Variants in CACNB2 observed in about 807,000 individuals in gnomAD.
The protein encoded by CACNB2 is calcium voltage-gated channel auxiliary subunit beta 2, also known as voltage-dependent L-type calcium channel subunit beta-2.
In CACNB2, 42 loss-of-function variants were observed where a neutral mutation model predicts 73.3. The ratio of observed to expected loss-of-function variants is 0.57; its 90% CI spans 0.45 to 0.74. The LOEUF (loss-of-function observed/expected upper bound fraction) is 0.74. Among genes scored for constraint, CACNB2 ranks in the 30% least tolerant of loss-of-function variants. CACNB2 has a pLI of 0.00. For synonymous variants in CACNB2, 348 were observed against 310.3 expected, an observed-to-expected ratio of 1.12 and a Z score of -1.28; for missense variants, 940 against 853.0, an observed-to-expected ratio of 1.10 and a Z score of -1.27.
intron 2 of CACNB2, among the ~76,000 whole-genome samples, chr10:18,184,848 A>G (rs1010280626): frequency 3.9e-5 from 6 of 152,028 alleles, no homozygotes; most frequent in African/African-American, 7.2e-5. Flanking sequence ...CCCAGCATGC[A>G]TTAGCTGTTT....
chr10:18,255,176 G>C (rs533613490), intron 2 of CACNB2, among the ~76,000 whole-genome samples: 2 of 152,252 alleles, frequency 1.3e-5, no homozygotes, highest in East Asian at 3.9e-4. Flanking sequence ...AAAGAGAAAA[G>C]ATCCCCAGCG....
At chr10:18,453,661 G>A (rs61839262) in intron 3 of CACNB2, among the ~76,000 whole-genome samples, 3,993 of 152,230 alleles carry the variant, frequency 0.026, 63 homozygotes, top group South Asian at 0.044. Flanking sequence ...ACGGAGTCTC[G>A]CTCTGTTGCC....
Position 18,423,841 on chromosome 10 carries a change from G to A in CACNB2, c.333+21798G>A, listed in dbSNP as rs542809357. On this transcript the variant is annotated intron_variant, in intron 3 of 13. Coordinates refer to ENST00000324631, the MANE Select transcript of CACNB2 (RefSeq NM_201596.3). The stretch of plus-strand genomic sequence containing the variant: ...CAATGACATGACCTCATGATTACTG[G>A]AAAGAGTTTTTTCTCTTATTTACTG... Among the ~76,000 whole-genome samples, 100 of 152,148 alleles carry A rather than the reference G, an allele frequency of 6.6e-4. No homozygotes were observed. In the South Asian group the frequency reaches 7.2e-3, roughly 11 times the overall value.
At chr10:18,370,818 T>C (rs1020338312) in intron 2 of CACNB2, among the ~76,000 whole-genome samples, 7 of 152,224 alleles carry the variant, frequency 4.6e-5, no homozygotes, top group African/African-American at 1.7e-4. Flanking sequence ...TAGGTTGTTT[T>C]ACACATACAC....
intron 2 of CACNB2, among the ~76,000 whole-genome samples, chr10:18,248,437 T>C (rs1322568667): frequency 1.3e-5 from 2 of 152,202 alleles, no homozygotes; most frequent in African/African-American, 4.8e-5. Flanking sequence ...CATATGAATC[T>C]CCCCAAGTTC....
chr10:18,229,933 G>C (rs1442963969), intron 2 of CACNB2, among the ~76,000 whole-genome samples: 2 of 152,070 alleles, frequency 1.3e-5, no homozygotes, highest in Non-Finnish European at 1.5e-5. Context: ...ATCGAAACTC[G>C]ACACCCACTT....
At chr10:18,285,564 C>T (rs114037135) in intron 2 of CACNB2, among the ~76,000 whole-genome samples, 2,026 of 152,306 alleles carry the variant, frequency 0.013, 38 homozygotes, top group African/African-American at 0.047. Context: ...ATGTCAGAGT[C>T]CTCAAATGAA....
At position 18,491,566 on chromosome 10, in the gene CACNB2, C is replaced by A. The variant is rs575122506; in HGVS notation, c.334-6789C>A. On this transcript the variant is annotated intron_variant, in intron 3 of 13. Transcript: ENST00000324631. ...TTGCACCACTTCGTTCCAGCCTGGG[C>A]AACAGAAAGACCCTGTCTGGGGGAA... Among the ~76,000 whole-genome samples, 21 of 152,158 alleles carry A rather than the reference C, an allele frequency of 1.4e-4. 1 individual carries two copies. Among genetic ancestry groups the A allele is most frequent in the Admixed American group, 1.3e-3 (20 of 15,284 alleles).
At chr10:18,326,060 A>G (rs1241246977) in intron 2 of CACNB2, among the ~76,000 whole-genome samples, 2 of 152,048 alleles carry the variant, frequency 1.3e-5, no homozygotes, top group African/African-American at 4.8e-5. Context: ...CTTCATGTTG[A>G]TTCCTACGGT....
chr10:18,165,225 T>C (rs2032765597), intron 2 of CACNB2, among the ~76,000 whole-genome samples: 1 of 151,958 alleles, frequency 6.6e-6, no homozygotes, highest in Admixed American at 6.6e-5. Context: ...GGAGAAGAAA[T>C]TGGGAAGGAA....
intron 2 of CACNB2, among the ~76,000 whole-genome samples, chr10:18,182,406 C>T (rs954083180): frequency 2.0e-5 from 3 of 151,500 alleles, no homozygotes; most frequent in South Asian, 2.1e-4. Flanking sequence ...TATAGCAATC[C>T]GAAAACTTTG....
chr10:18,275,238 C>G (rs1041171042), intron 2 of CACNB2, among the ~76,000 whole-genome samples: 1 of 152,220 alleles, frequency 6.6e-6, no homozygotes, highest in African/African-American at 2.4e-5. Flanking sequence ...TATAGACTTT[C>G]GTTTTCTGCC....
At chr10:18,333,934 A>G (rs913815636) in intron 2 of CACNB2, among the ~76,000 whole-genome samples, 1 of 152,158 alleles carries the variant, frequency 6.6e-6, no homozygotes, top group Non-Finnish European at 1.5e-5. Flanking sequence ...TCCTTCCAGA[A>G]AGGTCTGCTG....
chr10:18,529,784 G>A (rs562131362), intron 10 of CACNB2, among the ~76,000 whole-genome samples: 12 of 152,232 alleles, frequency 7.9e-5, no homozygotes, highest in South Asian at 4.2e-4. Context: ...CATGTGTTTC[G>A]CTTATAGCAA....
intron 9 of CACNB2, among the ~76,000 whole-genome samples, chr10:18,525,283 A>G (rs1423949954): frequency 6.6e-6 from 1 of 151,684 alleles, no homozygotes. Flanking sequence ...AGATCCCTTG[A>G]TTTCTTTCAA....
intron 7 of CACNB2, among the ~76,000 whole-genome samples, chr10:18,517,264 A>C (rs888080508): frequency 6.6e-6 from 1 of 152,216 alleles, no homozygotes; most frequent in African/African-American, 2.4e-5. Context: ...CGCAGTGTCT[A>C]AGGCCATATC....
chr10:18,479,158 A>G (rs1249315096), intron 3 of CACNB2, among the ~76,000 whole-genome samples: 3 of 152,212 alleles, frequency 2.0e-5, no homozygotes, highest in African/African-American at 7.2e-5. Context: ...TTATATATAC[A>G]CATATCTGTG....
intron 2 of CACNB2, among the ~76,000 whole-genome samples, chr10:18,209,181 T>A (rs2131343717): frequency 6.6e-6 from 1 of 152,328 alleles, no homozygotes; most frequent in Admixed American, 6.5e-5. Flanking sequence ...GCCTTAAAAA[T>A]TACTTTTTAT....
At chr10:18,538,128 G>A (rs1054166004) in intron 12 of CACNB2, 52 bp from the exon 13 acceptor site, 85 of 1,573,430 alleles carry the variant, frequency 5.4e-5, no homozygotes, top group Non-Finnish European at 6.8e-5. Flanking sequence ...AGGTGGGAAG[G>A]GGGTGAAAAC....
Sources: allele counts gnomAD v4.1 joint callset (sites outside exome capture counted in the v4.1 genomes callset), GRCh38; gene constraint gnomAD v4.1.1; transcripts MANE v1.5; gene names NCBI Gene and HGNC (gene_info 2026-07-23, HGNC 2026-07-21).